SKAP1: variants seen among roughly 807,000 people sequenced by gnomAD.
SKAP1 encodes src kinase associated phosphoprotein 1, also known as src kinase-associated phosphoprotein 1.
In SKAP1, 44 loss-of-function variants were observed where a neutral mutation model predicts 58.5. The ratio of observed to expected loss-of-function variants is 0.75; its 90% CI spans 0.59 to 0.97. The LOEUF (loss-of-function observed/expected upper bound fraction) is 0.97, where lower values mean the gene tolerates loss of function less well. Ranked by LOEUF, SKAP1 falls within the 50% of genes least tolerant of loss-of-function variation. SKAP1 has a pLI of 0.00. For missense variants in SKAP1, 390 were observed against 435.2 expected, an observed-to-expected ratio of 0.90 and a Z score of 0.92; for synonymous variants, 127 against 149.7, an observed-to-expected ratio of 0.85 and a Z score of 1.11.
intron 2 of SKAP1, among the ~76,000 whole-genome samples, chr17:48,392,996 A>C (rs1332185369): frequency 5.3e-5 from 8 of 152,124 alleles, no homozygotes; most frequent in Admixed American, 5.2e-4. Flanking sequence ...GAATGCCATC[A>C]AGTGTCTGAG....
At chr17:48,297,358 T>C (rs1175718580) in intron 4 of SKAP1, among the ~76,000 whole-genome samples, 1 of 152,268 alleles carries the variant, frequency 6.6e-6, no homozygotes, top group South Asian at 2.1e-4. Flanking sequence ...TTTACTAACA[T>C]TGAGATTTAT....
intron 11 of SKAP1, among the ~76,000 whole-genome samples, chr17:48,139,372 G>A (rs1010635195): frequency 2.0e-5 from 3 of 151,662 alleles, no homozygotes; most frequent in Admixed American, 6.6e-5. Flanking sequence ...TAGTAGAGAC[G>A]GGGTTTCACC....
chr17:48,390,523 T>C (rs1246745348), intron 2 of SKAP1, among the ~76,000 whole-genome samples: 1 of 152,132 alleles, frequency 6.6e-6, no homozygotes, highest in African/African-American at 2.4e-5. Context: ...GAGTAGCTAA[T>C]AGGAATGTGC....
chr17:48,346,745 A>G (rs1362122475), intron 3 of SKAP1, among the ~76,000 whole-genome samples: 5 of 152,206 alleles, frequency 3.3e-5, no homozygotes, highest in African/African-American at 1.2e-4. Flanking sequence ...CCTTCTATAC[A>G]TAATATAATA....
intron 4 of SKAP1, among the ~76,000 whole-genome samples, chr17:48,208,852 T>A (rs2064838571): frequency 6.6e-6 from 1 of 152,158 alleles, no homozygotes; most frequent in Admixed American, 6.6e-5. Flanking sequence ...AGAGGGAGTG[T>A]GCTAATAATT....
At chr17:48,178,123 A>G (rs893625106) in intron 9 of SKAP1, among the ~76,000 whole-genome samples, 30 of 152,148 alleles carry the variant, frequency 2.0e-4, no homozygotes, top group African/African-American at 7.2e-4. Flanking sequence ...AAAGATGGTC[A>G]TTAGGAAGCC....
chr17:48,430,047 C>CT (rs2067898616), intron 1 of SKAP1, 28 bp downstream of exon 1: 1 of 1,263,406 alleles, frequency 7.9e-7, no homozygotes, highest in Non-Finnish European at 1.0e-6. Flanking sequence ...CGGCTCAGCA[C>CT]TGGAGGGGGC....
intron 11 of SKAP1, among the ~76,000 whole-genome samples, chr17:48,158,450 C>A (rs1186266665): frequency 4.0e-5 from 6 of 149,572 alleles, no homozygotes; most frequent in Non-Finnish European, 8.9e-5. Flanking sequence ...TGCCTGTAGT[C>A]CCAGCTACTC....
At chr17:48,254,769 C>T (rs1218629287) in intron 4 of SKAP1, among the ~76,000 whole-genome samples, 1 of 151,594 alleles carries the variant, frequency 6.6e-6, no homozygotes, top group Non-Finnish European at 1.5e-5. Context: ...CAAGGATTCT[C>T]TTATACTTCT....
intron 4 of SKAP1, among the ~76,000 whole-genome samples, chr17:48,242,854 C>A (rs149876492): frequency 1.3e-5 from 2 of 152,112 alleles, no homozygotes; most frequent in African/African-American, 4.8e-5. Flanking sequence ...TGAATAAAAA[C>A]GGTTAGAATT....
intron 4 of SKAP1, among the ~76,000 whole-genome samples, chr17:48,327,974 A>G (rs984206077): frequency 6.6e-6 from 1 of 152,182 alleles, no homozygotes. Context: ...CTCATGCACG[A>G]AAGTGTTACA....
intron 4 of SKAP1, chr17:48,308,741 C>A (rs1378985965): frequency 6.6e-6 from 1 of 152,074 alleles, no homozygotes; most frequent in African/African-American, 2.4e-5. Flanking sequence ...AACCTTTGGG[C>A]AAGTTTCGTT....
chr17:48,293,991 T>G (rs904592338), intron 4 of SKAP1, among the ~76,000 whole-genome samples: 19 of 152,168 alleles, frequency 1.2e-4, no homozygotes, highest in Non-Finnish European at 8.8e-5. Flanking sequence ...CATTTATAAT[T>G]AACAAAAATC....
intron 9 of SKAP1, among the ~76,000 whole-genome samples, chr17:48,173,846 T>C (rs2143398332): frequency 6.6e-6 from 1 of 152,320 alleles, no homozygotes; most frequent in East Asian, 1.9e-4. Context: ...CCAAAGATCT[T>C]TTCTAAATAA....
rs141615070 is a variant in SKAP1, at chr17:48,286,473, T to C, written c.280+59432A>G. ...AAGTTTCCTTTATAAAGCAATGTTC[T>C]ATAAAATTGCAATTTTCTATAATAT... On this transcript the variant is annotated intron_variant, in intron 4 of 12. Coordinates refer to ENST00000336915, the MANE Select transcript of SKAP1 (RefSeq NM_003726.4). Among the ~76,000 whole-genome samples, 435 of 152,378 alleles carry C rather than the reference T, an allele frequency of 2.9e-3. 11 individuals are homozygous for C. The highest frequency in any genetic ancestry group is 0.024 in the Admixed American group (373 of 15,304).
intron 2 of SKAP1, among the ~76,000 whole-genome samples, chr17:48,387,345 A>G (rs1464243390): frequency 6.6e-6 from 1 of 151,608 alleles, no homozygotes; most frequent in East Asian, 1.9e-4. Context: ...ATCCCTGTGC[A>G]CTCTCTTCCC....
At chr17:48,361,895 T>C (rs2066943545) in intron 3 of SKAP1, among the ~76,000 whole-genome samples, 1 of 152,002 alleles carries the variant, frequency 6.6e-6, no homozygotes, top group Non-Finnish European at 1.5e-5. Context: ...CTCCTACCCA[T>C]CCCACCAGCT....
At chr17:48,261,522 C>CTG (rs1404496028) in intron 4 of SKAP1, among the ~76,000 whole-genome samples, 2 of 152,144 alleles carry the variant, frequency 1.3e-5, no homozygotes, top group Non-Finnish European at 2.9e-5. Flanking sequence ...TACTCACAGA[C>CTG]TGTGTGATGG....
intron 4 of SKAP1, among the ~76,000 whole-genome samples, chr17:48,284,500 G>A (rs1232269386): frequency 6.6e-6 from 1 of 152,150 alleles, no homozygotes; most frequent in African/African-American, 2.4e-5. Context: ...ATCTATGAAG[G>A]AGATTTGGAT....
Sources: gnomAD v4.1 joint callset for allele counts (sites outside exome capture counted in the v4.1 genomes callset) on GRCh38, gnomAD v4.1.1 for gene constraint, MANE v1.5 for transcripts, NCBI Gene and HGNC (gene_info 2026-07-23, HGNC 2026-07-21) for gene names.